ANKFN1: variants seen among roughly 807,000 people sequenced by gnomAD.
ANKFN1 encodes ankyrin repeat and fibronectin type III domain containing 1, also known as ankyrin repeat and fibronectin type-III domain-containing protein 1.
A neutral mutation model predicts 108.7 loss-of-function variants in ANKFN1; 74 were observed. The observed-to-expected ratio is 0.68, with a 90% CI of 0.56 to 0.83. The LOEUF (loss-of-function observed/expected upper bound fraction) is 0.83, where lower values mean the gene tolerates loss of function less well. ANKFN1 is among the 40% of genes least tolerant of loss of function. The probability of loss-of-function intolerance (pLI) is 0.00; values close to 1 mark genes in which losing one functional copy is unlikely to be tolerated. For missense variants in ANKFN1, 1,505 were observed against 1,382.3 expected (o/e 1.09, Z -1.41); for synonymous variants, 547 against 516.2 (o/e 1.06, Z -0.81).
intron 6 of ANKFN1, among the ~76,000 whole-genome samples, chr17:56,370,491 T>TGTCA (rs1251719381): frequency 1.3e-5 from 2 of 152,214 alleles, no homozygotes; most frequent in African/African-American, 2.4e-5. Flanking sequence ...ATCATGTGTC[T>TGTCA]GTCACCCAAG....
intron 3 of ANKFN1, among the ~76,000 whole-genome samples, chr17:56,265,083 A>G (rs1361745258): frequency 2.6e-5 from 4 of 152,164 alleles, no homozygotes; most frequent in Non-Finnish European, 5.9e-5. Flanking sequence ...TAAAAATAAT[A>G]ATAAATGTTG....
intron 8 of ANKFN1, among the ~76,000 whole-genome samples, chr17:56,404,193 A>G (rs2047848525): frequency 6.6e-6 from 1 of 152,218 alleles, no homozygotes; most frequent in African/African-American, 2.4e-5. Context: ...TGCTTATTGT[A>G]TTTGGATGTC....
At chr17:56,180,071 G>T (rs1911541570) in intron 1 of ANKFN1, among the ~76,000 whole-genome samples, 1 of 152,186 alleles carries the variant, frequency 6.6e-6, no homozygotes, top group South Asian at 2.1e-4. Context: ...AGTGATTTCT[G>T]GGGGATGCAT....
intron 10 of ANKFN1, among the ~76,000 whole-genome samples, chr17:56,443,807 A>C (rs1195879734): frequency 1.3e-5 from 2 of 152,228 alleles, no homozygotes; most frequent in African/African-American, 4.8e-5. Flanking sequence ...ATCATACCAT[A>C]GATTTTTCTA....
At chr17:56,352,435 G>T (rs1363629389) in intron 5 of ANKFN1, among the ~76,000 whole-genome samples, 1 of 152,102 alleles carries the variant, frequency 6.6e-6, no homozygotes, top group African/African-American at 2.4e-5. Context: ...CCCTATGCAG[G>T]TTAAAACCAG....
At chr17:56,422,999 A>T (rs1253287120) in intron 8 of ANKFN1, among the ~76,000 whole-genome samples, 1 of 152,250 alleles carries the variant, frequency 6.6e-6, no homozygotes, top group African/African-American at 2.4e-5. Context: ...TGCTGTCAAC[A>T]CAACTGCAGT....
chr17:56,197,822 C>T (rs548842436), intron 1 of ANKFN1, among the ~76,000 whole-genome samples: 13 of 152,182 alleles, frequency 8.5e-5, no homozygotes, highest in African/African-American at 1.7e-4. Flanking sequence ...GGACCAGTTT[C>T]GTGGAAGACA....
intron 8 of ANKFN1, among the ~76,000 whole-genome samples, chr17:56,417,885 C>A (rs1293032801): frequency 6.6e-6 from 1 of 152,168 alleles, no homozygotes; most frequent in African/African-American, 2.4e-5. Context: ...GGCGTTAGGT[C>A]TTAAGATAGT....
At chr17:56,168,753 C>T (rs1412681386) in intron 1 of ANKFN1, among the ~76,000 whole-genome samples, 3 of 152,124 alleles carry the variant, frequency 2.0e-5, no homozygotes, top group Non-Finnish European at 2.9e-5. Flanking sequence ...TATTATGAGG[C>T]ATCTTTTTAG....
intron 8 of ANKFN1, among the ~76,000 whole-genome samples, chr17:56,389,021 A>C (rs561574497): frequency 1.8e-4 from 27 of 152,258 alleles, no homozygotes; most frequent in African/African-American, 6.0e-4. Context: ...AAAAAAAAAA[A>C]AAAACTAAAC....
intron 18 of ANKFN1, among the ~76,000 whole-genome samples, chr17:56,487,948 G>T (rs954828669): frequency 1.3e-5 from 2 of 152,178 alleles, no homozygotes; most frequent in Non-Finnish European, 2.9e-5. Flanking sequence ...CATTGTGATG[G>T]ATGCTTAAGG....
chr17:56,374,544 C>G (rs914952107), intron 7 of ANKFN1, 57 bp from the exon 8 acceptor site: 7 of 1,278,284 alleles, frequency 5.5e-6, no homozygotes, highest in East Asian at 2.3e-5. Flanking sequence ...GAGGGAGGAA[C>G]GTTGTTTGAA....
intron 4 of ANKFN1, among the ~76,000 whole-genome samples, chr17:56,089,092 T>C (rs1905367775): frequency 6.6e-6 from 1 of 151,392 alleles, no homozygotes; most frequent in African/African-American, 2.4e-5. Flanking sequence ...TATGAACATA[T>C]GTGGAGGAGA....
rs2048413963 is a variant in ANKFN1, at chr17:56,421,835, T to C, written c.911-18492T>C. On this transcript the variant is annotated intron_variant, in intron 8 of 20. Coordinates refer to ENST00000682825, the MANE Select transcript of ANKFN1 (RefSeq NM_001370326.1). ...TTTCACTCTGGTTCATCAGAATATA[T>C]TCTGTCTTTATATACATGGAAAATA... Among the ~76,000 whole-genome samples the C allele has an allele frequency of 3.3e-5, 5 of 152,204 alleles. No homozygotes were observed. In the South Asian group the frequency reaches 8.3e-4, roughly 25 times the overall value.
rs766768533 is a variant in ANKFN1 at position 56,510,531 on chromosome 17, T to C, written c.2703T>C (p.Ser901=). 2.0e-6 allele frequency: 3 copies of C among 1,536,058 alleles called. No individual in the cohort carries two copies. The highest frequency in any genetic ancestry group is 1.2e-5 in the South Asian group (1 of 84,070). Residue 901 remains serine (S), a synonymous_variant, in exon 21 of 21, where the codon AGT becomes AGC. Transcript: ENST00000682825. ...ACSEVFLPTN[S]DYDSSDALSP... ...CAGAAGTCTTCCTCCCCACCAACAG[T>C]GACTACGACTCCAGCGATGCCCTGA...
At chr17:56,299,690 A>G (rs1380973918) in intron 3 of ANKFN1, among the ~76,000 whole-genome samples, 1 of 152,056 alleles carries the variant, frequency 6.6e-6, no homozygotes, top group Non-Finnish European at 1.5e-5. Flanking sequence ...GAATGGAGAT[A>G]GTTGTAGCAG....
intron 4 of ANKFN1, among the ~76,000 whole-genome samples, chr17:56,131,634 C>T (rs950348116): frequency 1.3e-5 from 2 of 152,194 alleles, no homozygotes; most frequent in Non-Finnish European, 2.9e-5. Context: ...AATAGTATGT[C>T]CTTCTGGACA....
chr17:56,456,911 C>G lies in ANKFN1; in HGVS notation c.1258C>G (p.Leu420Val), dbSNP rs755365251. 1 of 1,614,108 alleles carries G rather than the reference C, an allele frequency of 6.2e-7. No individual in the cohort carries two copies. Among genetic ancestry groups the G allele is most frequent in the Non-Finnish European group, 8.5e-7 (1 of 1,180,018 alleles). Residue 420 changes from leucine to valine, a missense_variant, in exon 12 of 21, where the codon CTG becomes GTG. By Grantham distance (32) the Leu-to-Val change is conservative (BLOSUM62 1). Transcript: ENST00000682825. ...CCGCAAGCAGTCAGTCTCAAGAAGC[C>G]TGAAACACCTGTTCCATTCCTCGAA... ...TGRKQSVSRSLKHLFHSSNKF... is the reference protein window; with the variant it reads ...TGRKQSVSRSVKHLFHSSNKF...
intron 3 of ANKFN1, among the ~76,000 whole-genome samples, chr17:56,291,373 C>G (rs1356259078): frequency 6.6e-6 from 1 of 152,170 alleles, no homozygotes; most frequent in Non-Finnish European, 1.5e-5. Context: ...TACCTGCTTA[C>G]AATGACAAGT....
Sources: allele counts gnomAD v4.1 joint callset (sites outside exome capture counted in the v4.1 genomes callset), GRCh38; gene constraint gnomAD v4.1.1; transcripts MANE v1.5; gene names NCBI Gene and HGNC (gene_info 2026-07-23, HGNC 2026-07-21).